The following GLDN variants were observed in gnomAD, a reference collection of about 807,000 sequenced individuals.
GLDN encodes the protein gliomedin.
Under a neutral mutation model 56.5 loss-of-function variants are expected in GLDN, and 47 were observed. The ratio of observed to expected loss-of-function variants is 0.83; its 90% CI spans 0.66 to 1.06. The LOEUF is 1.06. GLDN is among the 50% of genes least tolerant of loss of function. GLDN has a pLI of 0.00. For missense variants in GLDN, 782 were observed against 714.3 expected, an observed-to-expected ratio of 1.09 and a Z score of -1.08; for synonymous variants, 332 against 278.8, an observed-to-expected ratio of 1.19 and a Z score of -1.90.
At chr15:51,384,957 G>C (rs2037857290) in intron 4 of GLDN, 1 of 152,164 alleles carries the variant, frequency 6.6e-6, no homozygotes, top group Admixed American at 6.5e-5. Flanking sequence ...ATTAGCAATT[G>C]AAGTAAGGGC....
At chr15:51,396,988 T>C (rs2445749) in intron 5 of GLDN, among the ~76,000 whole-genome samples, 94,213 of 151,840 alleles carry the variant, frequency 0.62, 29,642 homozygotes, top group Non-Finnish European at 0.69. Flanking sequence ...CAGAGTACCA[T>C]GTTCCTCCAT....
intron 1 of GLDN, among the ~76,000 whole-genome samples, chr15:51,364,240 C>T (rs929232678): frequency 4.6e-5 from 7 of 152,282 alleles, no homozygotes; most frequent in East Asian, 1.9e-4. Flanking sequence ...TCATAGCTCA[C>T]GAATACTCTG....
chr15:51,372,045 G>T (rs968005888), intron 1 of GLDN, among the ~76,000 whole-genome samples: 1 of 152,178 alleles, frequency 6.6e-6, no homozygotes, highest in Non-Finnish European at 1.5e-5. Context: ...GCTGCATCTC[G>T]TGACAGCCTT....
downstream of GLDN, among the ~76,000 whole-genome samples, chr15:51,409,103 C>G (rs1420584157): frequency 2.0e-5 from 3 of 146,502 alleles, no homozygotes; most frequent in South Asian, 2.3e-4. Flanking sequence ...TTATCTAGGG[C>G]TGCAGAAATG....
chr15:51,341,682 AG>A lies in GLDN; in HGVS notation c.-2del. On this transcript the variant is annotated 5_prime_UTR_variant, in exon 1 of 10. Coordinates refer to ENST00000335449, the MANE Select transcript of GLDN (RefSeq NM_181789.4). ...GCCCTGCCCTGCCCAAGGCGCATAG[AG>A]CATGGCCCGAGGCGCTGAGGGAGGC... is the stretch of plus-strand genomic sequence containing the variant. 7.1e-7 allele frequency: 1 copy of A among 1,414,534 alleles called. No homozygotes were observed. Among genetic ancestry groups the A allele is most frequent in the Non-Finnish European group, 9.1e-7 (1 of 1,098,932 alleles). The allele number at this position is 1,414,534 out of a possible 1,614,324, so 87.6% of individuals were successfully genotyped here. A position where few individuals can be genotyped will look rare whatever the true frequency, so the allele number is the denominator to read the frequency against.
At chr15:51,356,034 C>T (rs571138019) in intron 1 of GLDN, among the ~76,000 whole-genome samples, 175 of 150,490 alleles carry the variant, frequency 1.2e-3, no homozygotes, top group African/African-American at 3.5e-3. Flanking sequence ...GGTGAAACCC[C>T]GTCTCTACTA....
intron 1 of GLDN, among the ~76,000 whole-genome samples, chr15:51,365,059 A>G (rs572749193): frequency 6.6e-6 from 1 of 152,338 alleles, no homozygotes; most frequent in East Asian, 1.9e-4. Context: ...TGGCTCTAAA[A>G]TTGGAGAATC....
In GLDN at chr15:51,404,387, A is replaced by T. The variant is rs1363481657; in HGVS notation, c.1289A>T (p.Asp430Val). The change falls in exon 10 of 10, where the codon GAT (aspartate) becomes GTT (valine). Residue 430 changes from aspartate to valine, a missense_variant. Asp to Val is a radical substitution (Grantham distance 152). Transcript: ENST00000335449. ...AAAACTTACTTCAATCTAGCTGTAG[A>T]TGAAAAGGGCCTTTGGATTATCTAT... Reference protein sequence around the residue: ...NSKTYFNLAVDEKGLWIIYAS... With the variant: ...NSKTYFNLAVVEKGLWIIYAS... 6.2e-7 allele frequency: 1 copy of T among 1,614,198 alleles called. No homozygotes were observed. Among genetic ancestry groups the T allele is most frequent in the East Asian group, 2.2e-5 (1 of 44,892 alleles).
chr15:51,404,339 G>A lies in GLDN; in HGVS notation c.1241G>A (p.Arg414Gln), dbSNP rs750373261. 5.9e-5 allele frequency: 95 copies of A among 1,613,012 alleles called. No individual in the cohort carries two copies. The highest frequency in any genetic ancestry group is 7.5e-5 in the Non-Finnish European group (89 of 1,179,758). The stretch of plus-strand genomic sequence containing the variant: ...CTTGAAAATGCCTTGTATTTTGATC[G>A]AAAATACCTTTTTGCAAATTCCAAA... Reference protein sequence around the residue: ...LKLENALYFDRKYLFANSKTY... With the variant: ...LKLENALYFDQKYLFANSKTY... Residue 414 changes from arginine to glutamine, a missense_variant, in exon 10 of 10, where the codon CGA (arginine) becomes CAA (glutamine). By Grantham distance (43) the Arg-to-Gln change is conservative. Transcript: ENST00000335449.
intron 1 of GLDN, among the ~76,000 whole-genome samples, chr15:51,374,976 A>G (rs2037600761): frequency 6.6e-6 from 1 of 151,774 alleles, no homozygotes; most frequent in African/African-American, 2.4e-5. Context: ...CAATCTTCCC[A>G]CCTTGGCCTA....
At chr15:51,345,822 C>T (rs527880842) in intron 1 of GLDN, among the ~76,000 whole-genome samples, 8 of 152,168 alleles carry the variant, frequency 5.3e-5, no homozygotes, top group Admixed American at 1.3e-4. Flanking sequence ...TCAGATCATA[C>T]GATTATATAC....
rs138760513 is a variant in GLDN at position 51,404,611 on chromosome 15, A to C, written c.1513A>C (p.Asn505His). 1 of 1,614,000 alleles carries C rather than the reference A, an allele frequency of 6.2e-7. No homozygotes were observed. The highest frequency in any genetic ancestry group is 1.3e-5 in the African/African-American group (1 of 74,944). ...TGATTTGTTAGGAGGGAAACAGATC[A>C]ATGCAAACTTTGATTTAAGAACTTC... ...AFDLLGGKQI[N>H]ANFDLRTSQS... Residue 505 changes from asparagine (N) to histidine (H), a missense_variant, in exon 10 of 10, where the codon AAT becomes CAT. Transcript: ENST00000335449.
At chr15:51,349,090 C>G (rs2037030217) in intron 1 of GLDN, among the ~76,000 whole-genome samples, 1 of 152,162 alleles carries the variant, frequency 6.6e-6, no homozygotes, top group African/African-American at 2.4e-5. Context: ...ACTCCCGATT[C>G]TTAGGGTAGT....
At chr15:51,347,183 G>A (rs1176801133) in intron 1 of GLDN, among the ~76,000 whole-genome samples, 1 of 152,092 alleles carries the variant, frequency 6.6e-6, no homozygotes, top group Non-Finnish European at 1.5e-5. Context: ...AGGAAAATCA[G>A]CAACAGAAAT....
chr15:51,398,589 G>C (rs2038183883), intron 6 of GLDN, among the ~76,000 whole-genome samples: 1 of 152,190 alleles, frequency 6.6e-6, no homozygotes, highest in Admixed American at 6.5e-5. Flanking sequence ...TTGGTGCACT[G>C]TTCTTTCTGG....
At chr15:51,376,699 A>ATTT (rs1365874245) in intron 1 of GLDN, among the ~76,000 whole-genome samples, 1 of 152,186 alleles carries the variant, frequency 6.6e-6, no homozygotes, top group Non-Finnish European at 1.5e-5. Flanking sequence ...GCTTTTTCCT[A>ATTT]TTTTTAAAAT....
chr15:51,345,091 T>A (rs1317161103), intron 1 of GLDN, among the ~76,000 whole-genome samples: 10 of 152,196 alleles, frequency 6.6e-5, no homozygotes, highest in Non-Finnish European at 1.0e-4. Context: ...TACTAACTCC[T>A]GTGGGAGATG....
At chr15:51,369,473 T>C (rs1348618605) in intron 1 of GLDN, among the ~76,000 whole-genome samples, 1 of 152,214 alleles carries the variant, frequency 6.6e-6, no homozygotes, top group East Asian at 1.9e-4. Context: ...ATTGTTTTAG[T>C]AACACACAAA....
chr15:51,367,674 T>G (rs911305411), intron 1 of GLDN, among the ~76,000 whole-genome samples: 1 of 152,154 alleles, frequency 6.6e-6, no homozygotes, highest in Non-Finnish European at 1.5e-5. Flanking sequence ...CTAATCCACT[T>G]AGCAAAGCAG....
Sources: allele counts gnomAD v4.1 joint callset (sites outside exome capture counted in the v4.1 genomes callset), GRCh38; gene constraint gnomAD v4.1.1; transcripts MANE v1.5; gene names NCBI Gene and HGNC (gene_info 2026-07-23, HGNC 2026-07-21).